Variants in WWC2 observed in about 807,000 individuals in gnomAD.
WWC2 encodes the protein WW and C2 domain containing 2, also known as protein WWC2.
In WWC2, 101 loss-of-function variants were observed where a neutral mutation model predicts 138.5. The ratio of observed to expected loss-of-function variants is 0.73; its 90% confidence interval spans 0.62 to 0.86. The LOEUF is 0.86. Ranked by LOEUF, WWC2 falls within the 40% of genes least tolerant of loss-of-function variation. WWC2 has a pLI of 0.00. For synonymous variants in WWC2, 558 were observed against 538.4 expected (o/e 1.04, Z -0.50); for missense variants, 1,420 against 1,419.4 (o/e 1.00, Z -0.01).
At chr4:183,194,621 A>T (rs1735083158) in intron 2 of WWC2, among the ~76,000 whole-genome samples, 1 of 152,132 alleles carries the variant, frequency 6.6e-6, no homozygotes, top group African/African-American at 2.4e-5. Flanking sequence ...GTTTCATTTG[A>T]TACTCACTCA....
chr4:183,163,293 G>C (rs1204172363), intron 1 of WWC2, among the ~76,000 whole-genome samples: 1 of 152,226 alleles, frequency 6.6e-6, no homozygotes, highest in Non-Finnish European at 1.5e-5. Context: ...CACACTGCCA[G>C]CTCACCCCTG....
chr4:183,269,012 G>C lies in WWC2; in HGVS notation c.2249G>C (p.Ser750Thr). The C allele has an allele frequency of 1.2e-6, 2 of 1,613,754 alleles. No homozygotes were observed. The highest frequency in any genetic ancestry group is 1.7e-6 in the Non-Finnish European group (2 of 1,179,818). Residue 750 changes from serine to threonine, a missense_variant, in exon 15 of 23, where the codon AGC becomes ACC. By Grantham distance (58) the Ser-to-Thr change is moderately conservative. Transcript: ENST00000403733. ...VAVLPSSTDV[S>T]CLFRTKVHPP... ...GTTCTTCCTTCCTCAACTGATGTCA[G>C]CTGTCTGTTTCGCACAAAAGTTCAT...
At chr4:183,145,025 G>C (rs1733411787) in intron 1 of WWC2, among the ~76,000 whole-genome samples, 1 of 152,216 alleles carries the variant, frequency 6.6e-6, no homozygotes, top group Admixed American at 6.5e-5. Flanking sequence ...AGAATTCCCG[G>C]TGCTTCTTTA....
At chr4:183,225,534 C>T (rs966824729) in intron 4 of WWC2, among the ~76,000 whole-genome samples, 5 of 152,150 alleles carry the variant, frequency 3.3e-5, no homozygotes, top group Admixed American at 6.6e-5. Context: ...ATCATGAGCT[C>T]ATTTAAATTA....
chr4:183,260,874 TA>T, intron 10 of WWC2, 35 bp from the exon 11 acceptor site: 1 of 1,603,518 alleles, frequency 6.2e-7, no homozygotes, highest in Non-Finnish European at 8.5e-7. Context: ...TTCCATTTTG[TA>T]ACAGATTTTA....
intron 15 of WWC2, 157 bp downstream of exon 15, chr4:183,269,320 G>C: frequency 2.6e-6 from 2 of 773,000 alleles, no homozygotes; most frequent in South Asian, 1.6e-5. Flanking sequence ...TTCTGAAGTA[G>C]TGGTTTCTGT....
At chr4:183,297,501 G>A (rs1003132448) in intron 21 of WWC2, among the ~76,000 whole-genome samples, 1 of 150,170 alleles carries the variant, frequency 6.7e-6, no homozygotes, top group Non-Finnish European at 1.5e-5. Flanking sequence ...CCTCTACCTC[G>A]CGGGTTCAAG....
intron 21 of WWC2, among the ~76,000 whole-genome samples, chr4:183,290,531 C>A: frequency 6.7e-6 from 1 of 148,724 alleles, no homozygotes; most frequent in Middle Eastern, 3.2e-3. Context: ...AAAAAAAAAA[C>A]AGTATTTTTA....
intron 21 of WWC2, among the ~76,000 whole-genome samples, chr4:183,311,905 A>G (rs1211793614): frequency 6.6e-6 from 1 of 152,094 alleles, no homozygotes; most frequent in Non-Finnish European, 1.5e-5. Flanking sequence ...GGTAAATTCT[A>G]CGTTAAATAA....
At chr4:183,143,723 G>A (rs1397544301) in intron 1 of WWC2, among the ~76,000 whole-genome samples, 1 of 151,918 alleles carries the variant, frequency 6.6e-6, no homozygotes, top group Non-Finnish European at 1.5e-5. Context: ...TGGGAGGATC[G>A]CTTGAGCCCA....
intron 1 of WWC2, among the ~76,000 whole-genome samples, chr4:183,175,093 C>G (rs1734422746): frequency 6.6e-6 from 1 of 152,030 alleles, no homozygotes; most frequent in African/African-American, 2.4e-5. Context: ...CTAAATAGTT[C>G]AGCATACATT....
chr4:183,237,056 G>A (rs942450300), intron 4 of WWC2, among the ~76,000 whole-genome samples: 1 of 152,008 alleles, frequency 6.6e-6, no homozygotes, highest in African/African-American at 2.4e-5. Context: ...CTAAAAAAAA[G>A]AAAAAAAGCA....
intron 2 of WWC2, among the ~76,000 whole-genome samples, chr4:183,198,773 T>C (rs1374053774): frequency 5.7e-5 from 5 of 87,274 alleles, no homozygotes; most frequent in Non-Finnish European, 1.0e-4. Flanking sequence ...TGGTAACATA[T>C]AAGACCTCGT....
intron 1 of WWC2, among the ~76,000 whole-genome samples, chr4:183,178,661 T>G (rs770217600): frequency 3.3e-5 from 5 of 152,028 alleles, no homozygotes; most frequent in Non-Finnish European, 7.4e-5. Context: ...AAGGCTGAGT[T>G]AGTTCTTATA....
At chr4:183,221,062 C>T (rs1166775074) in intron 4 of WWC2, among the ~76,000 whole-genome samples, 1 of 152,148 alleles carries the variant, frequency 6.6e-6, no homozygotes, top group Non-Finnish European at 1.5e-5. Context: ...ATAGCTGCAA[C>T]AGACCTACTT....
chr4:183,136,049 T>A (rs552184784), intron 1 of WWC2, among the ~76,000 whole-genome samples: 390 of 152,274 alleles, frequency 2.6e-3, no homozygotes, highest in Non-Finnish European at 4.5e-3. Context: ...ATCTGTGGTG[T>A]TCCTCAATTT....
chr4:183,319,559 G>C lies in WWC2; in HGVS notation c.*3830G>C. 5 of 1,608,522 alleles carry C rather than the reference G, an allele frequency of 3.1e-6. No individual in the cohort carries two copies. Among genetic ancestry groups the C allele is most frequent in the Non-Finnish European group, 4.2e-6 (5 of 1,177,212 alleles). On this transcript the variant is annotated 3_prime_UTR_variant, in exon 23 of 23. Transcript: ENST00000403733. ...GCAGACGCTTGTCCTTTCTGGCTTAGTGTTTCAGGTTGGTGTTTCTCGTCT... is the reference window on the plus strand; with the variant it reads ...GCAGACGCTTGTCCTTTCTGGCTTACTGTTTCAGGTTGGTGTTTCTCGTCT...
intron 2 of WWC2, among the ~76,000 whole-genome samples, chr4:183,201,230 A>C (rs570585732): frequency 6.6e-6 from 1 of 151,996 alleles, no homozygotes; most frequent in South Asian, 2.1e-4. Flanking sequence ...GGGTCTGTCC[A>C]TCCTGTACAT....
At chr4:183,140,151 A>G (rs1315408417) in intron 1 of WWC2, among the ~76,000 whole-genome samples, 2 of 152,190 alleles carry the variant, frequency 1.3e-5, no homozygotes, top group Non-Finnish European at 2.9e-5. Context: ...GCTGGTATGT[A>G]TAGGTGCTCA....
Sources: gnomAD v4.1 joint callset for allele counts (sites outside exome capture counted in the v4.1 genomes callset) on GRCh38, gnomAD v4.1.1 for gene constraint, MANE v1.5 for transcripts, NCBI Gene and HGNC (gene_info 2026-07-23, HGNC 2026-07-21) for gene names.